The following EPB41 variants were observed in gnomAD, a reference collection of about 807,000 sequenced individuals.
EPB41 encodes protein 4.1.
In EPB41, 65 loss-of-function variants were observed where a neutral mutation model predicts 108.0. The observed-to-expected ratio is 0.60, with a 90% CI of 0.49 to 0.74. The LOEUF is 0.74. Ranked by LOEUF, EPB41 falls within the 30% of genes least tolerant of loss-of-function variation. The probability of loss-of-function intolerance (pLI) is 0.00; values close to 1 mark genes in which losing one functional copy is unlikely to be tolerated. For synonymous variants in EPB41, 336 were observed against 358.9 expected, an observed-to-expected ratio of 0.94 and a Z score of 0.72; for missense variants, 875 against 1,037.0, an observed-to-expected ratio of 0.84 and a Z score of 2.15.
intron 1 of EPB41, among the ~76,000 whole-genome samples, chr1:28,890,022 ATT>A (rs796437234): frequency 4.4e-5 from 3 of 67,776 alleles, no homozygotes; most frequent in African/African-American, 1.5e-4. Flanking sequence ...TTTTATTTTT[ATT>A]TTTATTTTAT....
chr1:28,903,325 T>A (rs888771230), intron 1 of EPB41, among the ~76,000 whole-genome samples: 1 of 148,238 alleles, frequency 6.7e-6, no homozygotes, highest in African/African-American at 2.6e-5. Flanking sequence ...TTCTTTTCTT[T>A]CTTTTTTTTT....
chr1:28,978,736 A>G (rs916569428), intron 1 of EPB41, among the ~76,000 whole-genome samples: 2 of 151,238 alleles, frequency 1.3e-5, no homozygotes, highest in African/African-American at 4.9e-5. Context: ...AATAGAGAAG[A>G]CACGTGTCTC....
intron 1 of EPB41, among the ~76,000 whole-genome samples, chr1:28,941,219 A>AAAAC (rs1252255312): frequency 1.3e-5 from 2 of 151,380 alleles, no homozygotes; most frequent in South Asian, 2.1e-4. Context: ...AAAAAAAAAC[A>AAAAC]AAACAAACAA....
At chr1:28,899,541 G>A (rs1003410087) in intron 1 of EPB41, among the ~76,000 whole-genome samples, 24 of 152,162 alleles carry the variant, frequency 1.6e-4, no homozygotes, top group African/African-American at 5.1e-4. Flanking sequence ...AGAGTAGGAA[G>A]GGCCCCATGC....
intron 1 of EPB41, among the ~76,000 whole-genome samples, chr1:28,960,881 A>G (rs748106546): frequency 1.7e-4 from 26 of 151,892 alleles, no homozygotes; most frequent in Non-Finnish European, 3.5e-4. Context: ...AAAAATACAA[A>G]AAATTAGCCA....
At chr1:28,898,449 A>G (rs1468801006) in intron 1 of EPB41, among the ~76,000 whole-genome samples, 1 of 152,132 alleles carries the variant, frequency 6.6e-6, no homozygotes, top group African/African-American at 2.4e-5. Flanking sequence ...TTTCCACCTC[A>G]GTGAAGTGGG....
At chr1:29,097,653 T>C (rs1663689288) in intron 16 of EPB41, 154 bp from the exon 17 acceptor site, 3 of 814,016 alleles carry the variant, frequency 3.7e-6, no homozygotes. Context: ...TACTTTGGAA[T>C]ACTGTCGAAG....
intron 8 of EPB41, 110 bp from the exon 9 acceptor site, chr1:29,032,983 T>G: frequency 9.4e-7 from 1 of 1,060,738 alleles, no homozygotes; most frequent in Non-Finnish European, 1.4e-6. Flanking sequence ...TATTTTTCAT[T>G]GTATGTTTTG....
At chr1:29,091,417 G>C (rs764068155) in intron 16 of EPB41, among the ~76,000 whole-genome samples, 3 of 152,162 alleles carry the variant, frequency 2.0e-5, no homozygotes, top group Non-Finnish European at 4.4e-5. Flanking sequence ...TTTTTGGACA[G>C]CTCTATAGCC....
intron 16 of EPB41, chr1:29,070,454 G>A: frequency 1.5e-5 from 19 of 1,232,154 alleles, no homozygotes; most frequent in Non-Finnish European, 1.9e-5. Context: ...GCAAGAAAAT[G>A]AAGAAATTCT....
chr1:29,110,347 A>G (rs143648029), intron 18 of EPB41, among the ~76,000 whole-genome samples: 207 of 152,296 alleles, frequency 1.4e-3, no homozygotes, highest in Middle Eastern at 0.01. Context: ...CCTAAAACCT[A>G]TCTCTGTAAA....
intron 4 of EPB41, among the ~76,000 whole-genome samples, chr1:29,010,848 C>T (rs920576707): frequency 1.3e-5 from 2 of 152,184 alleles, no homozygotes; most frequent in African/African-American, 4.8e-5. Flanking sequence ...CATAGTGGCT[C>T]ATGCCTATAA....
intron 2 of EPB41, among the ~76,000 whole-genome samples, chr1:28,990,124 C>T (rs570313731): frequency 2.0e-5 from 3 of 150,748 alleles, no homozygotes; most frequent in South Asian, 2.1e-4. Flanking sequence ...GGCGTGGTGG[C>T]GGGCACCTGT....
intron 1 of EPB41, among the ~76,000 whole-genome samples, chr1:28,979,888 G>T (rs1031567808): frequency 6.6e-6 from 1 of 152,046 alleles, no homozygotes; most frequent in Non-Finnish European, 1.5e-5. Context: ...TTGAATCCCC[G>T]AACCATAATG....
At chr1:28,895,676 T>C (rs1340077990) in intron 1 of EPB41, among the ~76,000 whole-genome samples, 1 of 152,076 alleles carries the variant, frequency 6.6e-6, no homozygotes, top group East Asian at 1.9e-4. Context: ...TTTTAGTAGA[T>C]GGGGTTTCAC....
At chr1:29,041,026 C>T (rs1421323454) in intron 11 of EPB41, among the ~76,000 whole-genome samples, 2 of 151,546 alleles carry the variant, frequency 1.3e-5, no homozygotes, top group Non-Finnish European at 2.9e-5. Context: ...ATCCCAGCTA[C>T]ACAGGAGGCT....
chr1:28,889,557 T>C lies in EPB41; in HGVS notation c.-8+2347T>C, dbSNP rs544889713. On this transcript the variant is annotated intron_variant, in intron 1 of 16. Coordinates refer to the EPB41 transcript ENST00000347529. Reference sequence around the variant, plus strand: ...AGCACCCTCTCTGCAGAATGGACCATGGCCAGGAGACTGGCTGGCCGTGCT... The same window carrying C: ...AGCACCCTCTCTGCAGAATGGACCACGGCCAGGAGACTGGCTGGCCGTGCT... Among the ~76,000 whole-genome samples the C allele has an allele frequency of 4.7e-3, 710 of 152,352 alleles. 2 individuals carry two copies. Among genetic ancestry groups the C allele is most frequent in the Non-Finnish European group, 8.6e-3 (582 of 68,022 alleles).
At chr1:29,011,334 T>C (rs2096497260) in intron 4 of EPB41, among the ~76,000 whole-genome samples, 1 of 149,930 alleles carries the variant, frequency 6.7e-6, no homozygotes, top group Non-Finnish European at 1.5e-5. Context: ...CAGTGCACTC[T>C]AGCCAGGGCA....
chr1:28,989,153 G>A (rs185744199), intron 2 of EPB41, among the ~76,000 whole-genome samples: 1 of 152,162 alleles, frequency 6.6e-6, no homozygotes, highest in Non-Finnish European at 1.5e-5. Flanking sequence ...TCTTTAACTA[G>A]AGCATATTGC....
Sources: gnomAD v4.1 joint callset for allele counts (sites outside exome capture counted in the v4.1 genomes callset) on GRCh38, gnomAD v4.1.1 for gene constraint, MANE v1.5 for transcripts, NCBI Gene and HGNC (gene_info 2026-07-23, HGNC 2026-07-21) for gene names.